Variants in CLCN5 observed in about 807,000 individuals in gnomAD.
The protein encoded by CLCN5 is H(+)/Cl(-) exchange transporter 5.
A neutral mutation model predicts 54.0 loss-of-function variants in CLCN5; 17 were observed. The observed-to-expected ratio is 0.31, with a 90% CI of 0.22 to 0.47. CLCN5 has a LOEUF of 0.47. Among genes scored for constraint, CLCN5 ranks in the 20% least tolerant of loss-of-function variants. The pLI is 1.00. For missense variants in CLCN5, 448 were observed against 646.7 expected (o/e 0.69, Z 3.33); for synonymous variants, 222 against 233.0 (o/e 0.95, Z 0.43).
chrX:50,089,112 G>A (rs1225572226), intron 12 of CLCN5, among the ~76,000 whole-genome samples: 5 of 111,486 alleles, frequency 4.5e-5, no homozygotes, highest in African/African-American at 1.6e-4. Flanking sequence ...CTCATACTGG[G>A]GAAATAATCA....
rs868931139 is a variant in CLCN5 at position 50,019,748 on chromosome X, A to G, written c.17-22568A>G. ...CGGTGTTTGGTTTTTTGTTCTTGCGATAGTTTACTGAGAATGATGGTTTCC... is the reference window on the plus strand; with the variant it reads ...CGGTGTTTGGTTTTTTGTTCTTGCGGTAGTTTACTGAGAATGATGGTTTCC... On this transcript the variant is annotated intron_variant, in intron 3 of 14. Coordinates refer to ENST00000376091, the MANE Select transcript of CLCN5 (RefSeq NM_001127898.4). Among the ~76,000 whole-genome samples, 122 of 14,412 alleles carry G rather than the reference A, an allele frequency of 8.5e-3. 5 individuals carry two copies. The highest frequency in any genetic ancestry group is 0.012 in the Non-Finnish European group (103 of 8,262). 12.5% of individuals were successfully genotyped at this position (14,412 alleles called of 115,157 possible). A position where few individuals can be genotyped will look rare whatever the true frequency, so the allele number is the denominator to read the frequency against.
At chrX:50,031,541 A>G (rs1355251980) in intron 3 of CLCN5, among the ~76,000 whole-genome samples, 1 of 111,202 alleles carries the variant, frequency 9.0e-6, no homozygotes, top group Non-Finnish European at 1.9e-5. Context: ...TCATTTTCTC[A>G]TGAATATACA....
chrX:49,977,016 A>G (rs1697215436), intron 3 of CLCN5, among the ~76,000 whole-genome samples: 1 of 111,880 alleles, frequency 8.9e-6, no homozygotes, highest in African/African-American at 3.2e-5. Flanking sequence ...GTGGAAGAAA[A>G]GGTCTCTTTT....
intron 3 of CLCN5, among the ~76,000 whole-genome samples, chrX:49,929,100 C>T (rs1925505886): frequency 9.0e-6 from 1 of 111,410 alleles, no homozygotes; most frequent in South Asian, 3.8e-4. Context: ...GTTCTCAGCT[C>T]AAGGAAGCTT....
At chrX:49,986,305 G>A (rs1202411354) in intron 3 of CLCN5, among the ~76,000 whole-genome samples, 2 of 111,372 alleles carry the variant, frequency 1.8e-5, no homozygotes, top group African/African-American at 3.3e-5. Context: ...GAGTCCTATC[G>A]TGATTATTTT....
At chrX:49,977,172 G>C (rs782448454) in intron 3 of CLCN5, among the ~76,000 whole-genome samples, 5 of 110,880 alleles carry the variant, frequency 4.5e-5, no homozygotes, top group Non-Finnish European at 9.4e-5. Flanking sequence ...TGAAGAGCAG[G>C]GAGGGATTTT....
At chrX:49,933,628 A>T (rs1925775457) in intron 3 of CLCN5, among the ~76,000 whole-genome samples, 1 of 112,213 alleles carries the variant, frequency 8.9e-6, no homozygotes, top group Non-Finnish European at 1.9e-5. Flanking sequence ...TGGGCAGGTT[A>T]TTTAATCTCT....
intron 3 of CLCN5, chrX:50,010,864 A>T (rs1458121775): frequency 9.0e-6 from 1 of 110,899 alleles, no homozygotes; most frequent in African/African-American, 3.3e-5. Flanking sequence ...CAGTTGGCCC[A>T]CAAGAGAATG....
intron 3 of CLCN5, among the ~76,000 whole-genome samples, chrX:49,966,290 G>T (rs1927844026): frequency 9.0e-6 from 1 of 110,723 alleles, no homozygotes; most frequent in Non-Finnish European, 1.9e-5. Flanking sequence ...AGTATACTTT[G>T]GTAATTTGTG....
At chrX:50,003,177 G>A (rs1454441567) in intron 3 of CLCN5, 1 of 383,787 alleles carries the variant, frequency 2.6e-6, no homozygotes, top group East Asian at 7.5e-5. Context: ...CATGCCTTGA[G>A]TGTAGGACCG....
chrX:50,010,671 T>C, intron 3 of CLCN5: 1 of 175,209 alleles, frequency 5.7e-6, no homozygotes, highest in Non-Finnish European at 1.2e-5. Context: ...CTGTCCTGGT[T>C]CCCCCTCTCT....
At chrX:50,033,232 C>T (rs1159957661) in intron 3 of CLCN5, among the ~76,000 whole-genome samples, 1 of 111,087 alleles carries the variant, frequency 9.0e-6, no homozygotes, top group Non-Finnish European at 1.9e-5. Context: ...CAAATTGTCC[C>T]TGTTTGCAGA....
At position 50,069,869 on chromosome X, in the gene CLCN5, T is replaced by A; in HGVS notation, c.164-10T>A. The A allele has an allele frequency of 8.4e-7, 1 of 1,196,946 alleles. No homozygotes were observed. The highest frequency in any genetic ancestry group is 1.1e-6 in the Non-Finnish European group (1 of 888,249). On this transcript the variant is annotated splice_polypyrimidine_tract_variant and intron_variant, in intron 4 of 14. Coordinates refer to ENST00000376091, the MANE Select transcript of CLCN5 (RefSeq NM_001127898.4). ...CTGAAGTACTAATGTCTATTTCTTG[T>A]TCAATACAGAGGACAAGTCGTACAA...
chrX:50,055,394 A>G (rs1557188815), intron 4 of CLCN5, among the ~76,000 whole-genome samples: 1 of 111,868 alleles, frequency 8.9e-6, no homozygotes, highest in East Asian at 2.8e-4. Context: ...TTATGGAGCT[A>G]GGATTGGAAT....
intron 3 of CLCN5, among the ~76,000 whole-genome samples, chrX:49,935,694 C>T (rs1461596570): frequency 2.7e-5 from 3 of 111,329 alleles, no homozygotes; most frequent in African/African-American, 9.8e-5. Context: ...GTTGGGGGAA[C>T]AGCATCCCAG....
At chrX:49,958,465 A>G (rs1267779700) in intron 3 of CLCN5, among the ~76,000 whole-genome samples, 1 of 111,872 alleles carries the variant, frequency 8.9e-6, no homozygotes, top group African/African-American at 3.2e-5. Context: ...ACCTCAGTCT[A>G]TGATTCTCAT....
rs180785970 is a variant in CLCN5 at position 50,013,299 on chromosome X, G to C, written c.17-29017G>C. ...GTTGTGAATTCTCAAAACACCTCCT[G>C]TGTGCATGGATTACAGGAGGGTGAG... On this transcript the variant is annotated intron_variant, in intron 3 of 14. Transcript: ENST00000376091. 1.3e-4 allele frequency: 46 copies of C among 367,941 alleles called. No individual in the cohort carries two copies. The African/African-American group carries it at 1.3e-3, about 11-fold the overall frequency. The allele number at this position is 367,941 out of a possible 1,213,427, so 30.3% of individuals were successfully genotyped here.
intron 3 of CLCN5, among the ~76,000 whole-genome samples, chrX:50,001,987 T>G (rs1429526897): frequency 9.0e-6 from 1 of 110,506 alleles, no homozygotes; most frequent in Non-Finnish European, 1.9e-5. Flanking sequence ...GATTCCACAC[T>G]CATGAGGTTG....
chrX:50,012,549 A>G (rs1930563119), intron 3 of CLCN5, among the ~76,000 whole-genome samples: 2 of 112,435 alleles, frequency 1.8e-5, no homozygotes, highest in Admixed American at 1.9e-4. Context: ...CATTCTTCGT[A>G]GTTGGGTACA....
Sources: allele counts gnomAD v4.1 joint callset (sites outside exome capture counted in the v4.1 genomes callset), GRCh38; gene constraint gnomAD v4.1.1; transcripts MANE v1.5; gene names NCBI Gene and HGNC (gene_info 2026-07-23, HGNC 2026-07-21).